METTL25B: variants seen among roughly 807,000 people sequenced by gnomAD.
METTL25B encodes the protein methyltransferase like 25B.
In METTL25B, 38 loss-of-function variants were observed where a neutral mutation model predicts 48.4. The observed-to-expected ratio is 0.78, with a 90% CI of 0.61 to 1.03. The LOEUF (loss-of-function observed/expected upper bound fraction) is 1.03, where lower values mean the gene tolerates loss of function less well. METTL25B is among the 50% of genes least tolerant of loss of function. METTL25B has a pLI of 0.00. For missense variants in METTL25B, 537 were observed against 603.7 expected (o/e 0.89, Z 1.16); for synonymous variants, 230 against 254.5 (o/e 0.90, Z 0.92).
chr1:156,732,244 G>A (rs563870497), intron 2 of METTL25B, 37 bp from the exon 3 acceptor site: 38 of 1,611,662 alleles, frequency 2.4e-5, no homozygotes, highest in Middle Eastern at 1.7e-4. Context: ...AGATGTGATG[G>A]GACTATTCAC....
chr1:156,732,197 G>C, intron 2 of METTL25B, 82 bp downstream of exon 2: 1 of 1,608,542 alleles, frequency 6.2e-7, no homozygotes, highest in Non-Finnish European at 8.5e-7. Context: ...AGTCTCATAA[G>C]GTCTTCCTGG....
rs1648929784 is a variant in METTL25B at position 156,728,549 on chromosome 1, C to G, written c.-556C>G. The G allele has an allele frequency of 1.0e-6, 1 of 985,676 alleles. No homozygotes were observed. The highest frequency in any genetic ancestry group is 1.7e-5 in the African/African-American group (1 of 57,362). The allele number at this position is 985,676 out of a possible 1,614,324, so 61.1% of individuals were successfully genotyped here. A position where few individuals can be genotyped will look rare whatever the true frequency, so the allele number is the denominator to read the frequency against. On this transcript the variant is annotated 5_prime_UTR_variant, in exon 1 of 8. Transcript: ENST00000368216. ...GTCGGCGCGCGCACACCCGCACCGC[C>G]CCGACCCCAGGTAGTGAGGCCAGTG...
Position 156,728,831 on chromosome 1 carries a change from T to C in METTL25B, c.-274T>C. Reference sequence around the variant, plus strand: ...GTGAGCTGAGCTCAGCGGCACGCTTTTGTGGCGTCACTGCACTGTTACCCC... The same window carrying C: ...GTGAGCTGAGCTCAGCGGCACGCTTCTGTGGCGTCACTGCACTGTTACCCC... On this transcript the variant is annotated 5_prime_UTR_variant, in exon 1 of 8. Transcript: ENST00000368216. 1.2e-6 allele frequency: 1 copy of C among 844,532 alleles called. No homozygotes were observed. Among genetic ancestry groups the C allele is most frequent in the Non-Finnish European group, 1.6e-6 (1 of 640,366 alleles). 52.3% of individuals were successfully genotyped at this position (844,532 alleles called of 1,614,324 possible). A position where few individuals can be genotyped will look rare whatever the true frequency, so the allele number is the denominator to read the frequency against.
chr1:156,733,676 G>T, intron 5 of METTL25B, 156 bp downstream of exon 5: 4 of 769,594 alleles, frequency 5.2e-6, no homozygotes, highest in Non-Finnish European at 8.2e-6. Context: ...CCTTTCCCCA[G>T]TGCCTCCCTG....
Position 156,728,730 on chromosome 1 carries a change from C to G in METTL25B, c.-375C>G. On this transcript the variant is annotated 5_prime_UTR_variant, in exon 1 of 8. Coordinates refer to ENST00000368216, the MANE Select transcript of METTL25B (RefSeq NM_015997.4). ...TAAACCGGAACTGCAGCCCGCCGGA[C>G]ACCTCCGGCTTCACTTCCGTAAGAG... 1 of 1,001,548 alleles carries G rather than the reference C, an allele frequency of 1.0e-6. No homozygotes were observed. Among genetic ancestry groups the G allele is most frequent in the Non-Finnish European group, 1.2e-6 (1 of 840,026 alleles). 62.0% of individuals were successfully genotyped at this position (1,001,548 alleles called of 1,614,324 possible).
chr1:156,729,228 G>A lies in METTL25B; in HGVS notation c.111+13G>A, dbSNP rs754851704. 6.6e-7 allele frequency: 1 copy of A among 1,521,230 alleles called. No individual in the cohort carries two copies. Among genetic ancestry groups the A allele is most frequent in the Non-Finnish European group, 9.1e-7 (1 of 1,098,846 alleles). 94.2% of individuals were successfully genotyped at this position (1,521,230 alleles called of 1,614,324 possible). On this transcript the variant is annotated intron_variant, in intron 1 of 7. Coordinates refer to ENST00000368216, the MANE Select transcript of METTL25B (RefSeq NM_015997.4). ...TGCCTACATCATCGTGAGGCCACAG[G>A]GGCGTGGGTGGGATGTCTCTGGTCG... is the stretch of plus-strand genomic sequence containing the variant.
Position 156,732,836 on chromosome 1 carries a change from A to AT in METTL25B, c.430-148dup, listed in dbSNP as rs1558020104. On this transcript the variant is annotated intron_variant, in intron 3 of 7. Coordinates refer to ENST00000368216, the MANE Select transcript of METTL25B (RefSeq NM_015997.4). The stretch of plus-strand genomic sequence containing the variant: ...TCTCCTTGCTTCCACCCTCACCCTT[A>AT]TATCTTTCTTTCCAAATCTGTCTTC... 7.3e-6 allele frequency: 5 copies of AT among 686,270 alleles called. No individual in the cohort carries two copies. The African/African-American group carries it at 9.0e-5, about 12-fold the overall frequency. The allele number at this position is 686,270 out of a possible 1,614,324, so 42.5% of individuals were successfully genotyped here. A position where few individuals can be genotyped will look rare whatever the true frequency, so the allele number is the denominator to read the frequency against.
chr1:156,728,770 G>C lies in METTL25B; in HGVS notation c.-335G>C. 9.5e-7 allele frequency: 1 copy of C among 1,053,390 alleles called. No homozygotes were observed. Among genetic ancestry groups the C allele is most frequent in the Non-Finnish European group, 1.2e-6 (1 of 869,410 alleles). The allele number at this position is 1,053,390 out of a possible 1,614,324, so 65.3% of individuals were successfully genotyped here. The stretch of plus-strand genomic sequence containing the variant: ...TTCCGTAAGAGGAGAGGAGTGTACG[G>C]CAAGGGGCGGGAACTGGAACTTGGC... On this transcript the variant is annotated 5_prime_UTR_variant, in exon 1 of 8. Transcript: ENST00000368216.
rs114239921 is a variant in METTL25B at position 156,734,514 on chromosome 1, G to T, written c.1121+21G>T. 714 of 1,530,070 alleles carry T rather than the reference G, an allele frequency of 4.7e-4. 2 individuals carry two copies. The African/African-American group carries it at 8.8e-3, about 19-fold the overall frequency. 94.8% of individuals were successfully genotyped at this position (1,530,070 alleles called of 1,614,324 possible). A position where few individuals can be genotyped will look rare whatever the true frequency, so the allele number is the denominator to read the frequency against. On this transcript the variant is annotated intron_variant, in intron 6 of 7. Transcript: ENST00000368216. ...GAAGAGTGAGGTTGGGGGACGGGTGGGGGGCAGTGGAGAGGAGATTTCTTT... is the reference window on the plus strand; with the variant it reads ...GAAGAGTGAGGTTGGGGGACGGGTGTGGGGCAGTGGAGAGGAGATTTCTTT...
At chr1:156,733,171 CTT>C (rs1403853845) in intron 4 of METTL25B, 124 bp downstream of exon 4, 22 of 1,137,094 alleles carry the variant, frequency 1.9e-5, no homozygotes, top group Non-Finnish European at 2.5e-5. Flanking sequence ...TTTTTTTTCT[CTT>C]TGCATAATTT....
rs950247546 is a variant in METTL25B, at chr1:156,728,666, C to T, written c.-439C>T. 5.1e-6 allele frequency: 5 copies of T among 987,080 alleles called. No homozygotes were observed. The highest frequency in any genetic ancestry group is 6.0e-6 in the Non-Finnish European group (5 of 830,730). The allele number at this position is 987,080 out of a possible 1,614,324, so 61.1% of individuals were successfully genotyped here. ...GGATGCGCTCCCCGGCCCCTCTAGC[C>T]CCGTGGTGGTACAACGCGAAGGTGT... On this transcript the variant is annotated 5_prime_UTR_variant, in exon 1 of 8. Transcript: ENST00000368216.
chr1:156,732,925 G>A (rs2102655307), intron 3 of METTL25B, 60 bp from the exon 4 acceptor site: 1 of 1,411,208 alleles, frequency 7.1e-7, no homozygotes, highest in Non-Finnish European at 1.0e-6. Context: ...CTCAGTATGG[G>A]TGTTTGCCCC....
Position 156,728,784 on chromosome 1 carries a change from C to A in METTL25B, c.-321C>A. The stretch of plus-strand genomic sequence containing the variant: ...AGGAGTGTACGGCAAGGGGCGGGAA[C>A]TGGAACTTGGCCCGCCTCGTTGTGA... On this transcript the variant is annotated 5_prime_UTR_variant, in exon 1 of 8. The change creates a new upstream start codon in the 5' untranslated region. Transcript: ENST00000368216. 9.5e-7 allele frequency: 1 copy of A among 1,055,210 alleles called. No homozygotes were observed. The highest frequency in any genetic ancestry group is 1.2e-6 in the Non-Finnish European group (1 of 863,530). The allele number at this position is 1,055,210 out of a possible 1,614,324, so 65.4% of individuals were successfully genotyped here. A position where few individuals can be genotyped will look rare whatever the true frequency, so the allele number is the denominator to read the frequency against.
Position 156,736,749 on chromosome 1 carries a change from G to T in METTL25B, c.1424G>T (p.Ser475Ile). The change falls in exon 8 of 8, where the codon AGC (serine) becomes ATC (isoleucine). Residue 475 changes from serine to isoleucine, a missense_variant. By Grantham distance (142) the Ser-to-Ile change is moderately radical (BLOSUM62 -2). Coordinates refer to ENST00000368216, the MANE Select transcript of METTL25B (RefSeq NM_015997.4). ...CTTTCTGTTCTGGAGACTGAAGACA[G>T]CTGATGCAGCCTGAGGAAACATCTC... The part of the protein sequence containing the change: ...QALSVLETED[S>I] 1 of 1,611,670 alleles carries T rather than the reference G, an allele frequency of 6.2e-7. No homozygotes were observed.
At position 156,732,030 on chromosome 1, in the gene METTL25B, T is replaced by A; in HGVS notation, c.151T>A (p.Ser51Thr). ...TDNLWDTLPCSWQEALDGLKP... is the reference protein window; with the variant it reads ...TDNLWDTLPCTWQEALDGLKP... ...CAACCTATGGGACACACTCCCTTGC[T>A]CATGGCAGGAAGCATTGGATGGACT... is the stretch of plus-strand genomic sequence containing the variant. Residue 51 changes from serine to threonine, a missense_variant, in exon 2 of 8, where the codon TCA (serine) becomes ACA (threonine). Coordinates refer to ENST00000368216, the MANE Select transcript of METTL25B (RefSeq NM_015997.4). 1 of 1,614,196 alleles carries A rather than the reference T, an allele frequency of 6.2e-7. No individual in the cohort carries two copies. The highest frequency in any genetic ancestry group is 8.5e-7 in the Non-Finnish European group (1 of 1,180,034).
In METTL25B at chr1:156,736,858, G is replaced by C; in HGVS notation, c.*105G>C. 8.7e-7 allele frequency: 1 copy of C among 1,155,362 alleles called. No homozygotes were observed. The highest frequency in any genetic ancestry group is 1.2e-6 in the Non-Finnish European group (1 of 830,426). The allele number at this position is 1,155,362 out of a possible 1,614,324, so 71.6% of individuals were successfully genotyped here. ...GAAACAGCATCCTGCATCCTCCAGAGTCCTGGTTCCTTCAGTTTCATCCCC... is the reference window on the plus strand; with the variant it reads ...GAAACAGCATCCTGCATCCTCCAGACTCCTGGTTCCTTCAGTTTCATCCCC... On this transcript the variant is annotated 3_prime_UTR_variant, in exon 8 of 8. Coordinates refer to ENST00000368216, the MANE Select transcript of METTL25B (RefSeq NM_015997.4).
intron 5 of METTL25B, chr1:156,733,767 G>A (rs1351852250): frequency 1.5e-6 from 1 of 652,692 alleles, no homozygotes; most frequent in Admixed American, 3.0e-5. Flanking sequence ...GGCCAGTCAG[G>A]TTTTAGACTT....
intron 1 of METTL25B, 38 bp from the exon 2 acceptor site, chr1:156,731,953 G>A: frequency 1.2e-6 from 2 of 1,612,848 alleles, no homozygotes; most frequent in Non-Finnish European, 1.7e-6. Context: ...AATGGGAGTG[G>A]TAGTAGCTTG....
At chr1:156,729,803 G>C (rs1012100388) in intron 1 of METTL25B, among the ~76,000 whole-genome samples, 15 of 152,250 alleles carry the variant, frequency 9.9e-5, no homozygotes, top group African/African-American at 3.6e-4. Context: ...GGTTTCCTCA[G>C]CTATACAATG....
Sources: allele counts gnomAD v4.1 joint callset (sites outside exome capture counted in the v4.1 genomes callset), GRCh38; gene constraint gnomAD v4.1.1; transcripts MANE v1.5; gene names NCBI Gene and HGNC (gene_info 2026-07-23, HGNC 2026-07-21).